The following GRM3 variants were observed in gnomAD, a reference collection of about 807,000 sequenced individuals.
The protein encoded by GRM3 is metabotropic glutamate receptor 3.
In GRM3, 26 loss-of-function variants were observed where a neutral mutation model predicts 70.5. That is an observed-to-expected ratio of 0.37 (90% CI 0.27 to 0.51). The LOEUF is 0.51. Among genes scored for constraint, GRM3 ranks in the 20% least tolerant of loss-of-function variants. The pLI, the probability that GRM3 is intolerant of heterozygous loss-of-function variation, is 0.93. For synonymous variants in GRM3, 443 were observed against 434.9 expected (o/e 1.02, Z -0.23); for missense variants, 859 against 1,123.8 (o/e 0.76, Z 3.37).
At chr7:86,795,079 G>A (rs1381729037) in intron 3 of GRM3, among the ~76,000 whole-genome samples, 1 of 151,268 alleles carries the variant, frequency 6.6e-6, no homozygotes, top group Admixed American at 6.6e-5. Context: ...AAGAAGTAAA[G>A]TAACGAAAGT....
At chr7:86,782,418 C>G (rs541825183) in intron 2 of GRM3, among the ~76,000 whole-genome samples, 1 of 151,650 alleles carries the variant, frequency 6.6e-6, no homozygotes, top group African/African-American at 2.4e-5. Context: ...AAACCATTCT[C>G]AATGGAGAGA....
intron 1 of GRM3, among the ~76,000 whole-genome samples, chr7:86,686,969 T>C (rs1794582682): frequency 6.6e-6 from 1 of 151,990 alleles, no homozygotes; most frequent in South Asian, 2.1e-4. Flanking sequence ...AAATTAAGAA[T>C]TTAGTAGATG....
chr7:86,716,358 A>ATAT (rs1200293102), intron 1 of GRM3, among the ~76,000 whole-genome samples: 1 of 152,042 alleles, frequency 6.6e-6, no homozygotes, highest in African/African-American at 2.4e-5. Flanking sequence ...GTTACTTAGT[A>ATAT]TACGTATTAT....
chr7:86,798,176 G>A (rs912572316), intron 3 of GRM3, among the ~76,000 whole-genome samples: 2 of 152,188 alleles, frequency 1.3e-5, no homozygotes, highest in African/African-American at 2.4e-5. Context: ...TCCCCATCTG[G>A]GGACTGCATA....
At chr7:86,758,091 C>T (rs371398670) in intron 1 of GRM3, among the ~76,000 whole-genome samples, 12 of 152,268 alleles carry the variant, frequency 7.9e-5, no homozygotes, top group African/African-American at 2.2e-4. Context: ...CTCTCAGTCC[C>T]TCTCTCACTC....
At chr7:86,719,770 A>C (rs1342375310) in intron 1 of GRM3, among the ~76,000 whole-genome samples, 1 of 152,018 alleles carries the variant, frequency 6.6e-6, no homozygotes, top group African/African-American at 2.4e-5. Context: ...AGGACAATCT[A>C]GTTAGACTGG....
chr7:86,843,287 G>A (rs182080416), intron 4 of GRM3, among the ~76,000 whole-genome samples: 1 of 152,182 alleles, frequency 6.6e-6, no homozygotes, highest in African/African-American at 2.4e-5. Flanking sequence ...CTTCCCAGGT[G>A]GCACAGTTAT....
At chr7:86,656,257 G>GTTT (rs1171458770) in intron 1 of GRM3, among the ~76,000 whole-genome samples, 1 of 91,422 alleles carries the variant, frequency 1.1e-5, no homozygotes, top group African/African-American at 4.4e-5. Flanking sequence ...ACTATACTAT[G>GTTT]TTCTTTTTTT....
rs748815283 is a variant in GRM3, at chr7:86,839,294, G to A, written c.1780G>A (p.Val594Ile). The change falls in exon 4 of 6, where the codon GTT becomes ATT. Residue 594 changes from valine to isoleucine, a missense_variant. Val to Ile is a conservative substitution (Grantham distance 29, BLOSUM62 3). Transcript: ENST00000361669. This position sits in a 1 kb window ranked among gnomAD's most constrained non-coding sequence, Gnocchi z 4.5. Reference protein sequence around the residue: ...ACLGFMCTCMVVTVFIKHNNT... With the variant: ...ACLGFMCTCMIVTVFIKHNNT... ...TCTGGGTTTTATGTGTACATGCATG[G>A]TTGTAACTGTTTTTATCAAGCACAA... 1.2e-6 allele frequency: 2 copies of A among 1,613,664 alleles called. No homozygotes were observed. The highest frequency in any genetic ancestry group is 2.7e-5 in the African/African-American group (2 of 75,036).
intron 3 of GRM3, among the ~76,000 whole-genome samples, chr7:86,836,418 A>G (rs924351038): frequency 6.6e-6 from 1 of 152,246 alleles, no homozygotes; most frequent in African/African-American, 2.4e-5. Context: ...GTATACAGCT[A>G]TTGAAAATAA....
At chr7:86,652,479 C>T (rs1013084779) in intron 1 of GRM3, among the ~76,000 whole-genome samples, 3 of 151,972 alleles carry the variant, frequency 2.0e-5, no homozygotes, top group Non-Finnish European at 2.9e-5. Flanking sequence ...TACAGCCGCC[C>T]GCCACCACGC....
At chr7:86,774,056 TTAATAGGTAAA>T (rs1796817439) in intron 2 of GRM3, among the ~76,000 whole-genome samples, 1 of 152,102 alleles carries the variant, frequency 6.6e-6, no homozygotes, top group South Asian at 2.1e-4. Flanking sequence ...TGATTATAGA[TTAATAGGTAAA>T]TGAATTGAAA....
At chr7:86,718,539 G>T (rs1211914139) in intron 1 of GRM3, among the ~76,000 whole-genome samples, 1 of 151,866 alleles carries the variant, frequency 6.6e-6, no homozygotes, top group East Asian at 1.9e-4. Context: ...GCTAATTGCT[G>T]GTTTGCTAGG....
chr7:86,732,433 T>C (rs1795756160), intron 1 of GRM3, among the ~76,000 whole-genome samples: 1 of 151,896 alleles, frequency 6.6e-6, no homozygotes, highest in African/African-American at 2.4e-5. Context: ...GAGGCAGTTG[T>C]TAGTGTTCAA....
chr7:86,696,285 G>T (rs964315919), intron 1 of GRM3, among the ~76,000 whole-genome samples: 28 of 152,216 alleles, frequency 1.8e-4, no homozygotes, highest in South Asian at 1.7e-3. Flanking sequence ...TATCCAAGTG[G>T]GCTCAAAGCA....
Position 86,786,056 on chromosome 7 carries a change from C to A in GRM3, c.469-205C>A, listed in dbSNP as rs559371484. On this transcript the variant is annotated intron_variant, in intron 2 of 5. Transcript: ENST00000361669. This position sits in a 1 kb window ranked among gnomAD's most constrained non-coding sequence, Gnocchi z 6.0. ...CTGCCCTTTCCTGAAGCACACACTA[C>A]CTGTGTGAGACCTGCTTCCTAGTGT... is the stretch of plus-strand genomic sequence containing the variant. 1.5e-5 allele frequency: 9 copies of A among 604,524 alleles called. No homozygotes were observed. Among genetic ancestry groups the A allele is most frequent in the Non-Finnish European group, 2.4e-5 (8 of 334,196 alleles). The allele number at this position is 604,524 out of a possible 1,614,324, so 37.4% of individuals were successfully genotyped here.
intron 1 of GRM3, among the ~76,000 whole-genome samples, chr7:86,667,051 C>T (rs1794046169): frequency 6.6e-6 from 1 of 152,078 alleles, no homozygotes; most frequent in Non-Finnish European, 1.5e-5. Flanking sequence ...AGCTCAGTAC[C>T]TCTGACAGGA....
intron 1 of GRM3, among the ~76,000 whole-genome samples, chr7:86,690,289 A>G (rs1794667340): frequency 1.3e-5 from 2 of 152,078 alleles, no homozygotes; most frequent in Admixed American, 1.3e-4. Flanking sequence ...GGAACAGATG[A>G]ATTTGGTGAG....
chr7:86,850,526 G>A lies in GRM3; in HGVS notation c.2548G>A (p.Gly850Arg). The part of the protein sequence containing the change: ...HLNRFSVSGT[G>R]TTYSQSSAST... Reference sequence around the variant, plus strand: ...CAACAGGTTCAGTGTCAGTGGAACTGGGACCACATACTCTCAGTGTAAGTA... The same window carrying A: ...CAACAGGTTCAGTGTCAGTGGAACTAGGACCACATACTCTCAGTGTAAGTA... Residue 850 changes from glycine (G) to arginine (R), a missense_variant, in exon 5 of 6, where the codon GGG becomes AGG. Coordinates refer to ENST00000361669, the MANE Select transcript of GRM3 (RefSeq NM_000840.3). 1.2e-6 allele frequency: 2 copies of A among 1,607,518 alleles called. No individual in the cohort carries two copies. Among genetic ancestry groups the A allele is most frequent in the Admixed American group, 1.7e-5 (1 of 59,948 alleles).
Sources: gnomAD v4.1 joint callset for allele counts (sites outside exome capture counted in the v4.1 genomes callset) on GRCh38, gnomAD v4.1.1 for gene constraint, Gnocchi (gnomAD v3.1) non-coding constraint, MANE v1.5 for transcripts, NCBI Gene and HGNC (gene_info 2026-07-23, HGNC 2026-07-21) for gene names.